KIF4A: variants seen among roughly 807,000 people sequenced by gnomAD.
KIF4A encodes the protein kinesin family member 4A.
KIF4A carries 7 observed loss-of-function variants against 105.9 expected under a neutral mutation model. That is an observed-to-expected ratio of 0.07 (90% CI 0.04 to 0.12). The LOEUF is 0.12. Among genes scored for constraint, KIF4A ranks in the 10% least tolerant of loss-of-function variants. The pLI, the probability that KIF4A is intolerant of heterozygous loss-of-function variation, is 1.00. For synonymous variants in KIF4A, 281 were observed against 331.3 expected (o/e 0.85, Z 1.65); for missense variants, 558 against 929.2 (o/e 0.60, Z 5.19).
chrX:70,356,652 A>C (rs1210750479), intron 15 of KIF4A, among the ~76,000 whole-genome samples: 1 of 112,511 alleles, frequency 8.9e-6, no homozygotes, highest in Non-Finnish European at 1.9e-5. Flanking sequence ...TATAATACTT[A>C]GAAAAATCAA....
At chrX:70,293,433 G>A (rs1273147109) in intron 3 of KIF4A, among the ~76,000 whole-genome samples, 6 of 112,084 alleles carry the variant, frequency 5.4e-5, no homozygotes, top group Non-Finnish European at 7.5e-5. Flanking sequence ...TGCATTTGTA[G>A]TTCCTTTTAG....
intron 28 of KIF4A, among the ~76,000 whole-genome samples, chrX:70,413,215 T>C (rs948984788): frequency 2.7e-5 from 3 of 112,416 alleles, no homozygotes; most frequent in Non-Finnish European, 3.7e-5. Context: ...ATGAAACTGG[T>C]ATTCTTGTGG....
chrX:70,345,713 C>T (rs2085989780), intron 13 of KIF4A, among the ~76,000 whole-genome samples: 2 of 111,126 alleles, frequency 1.8e-5, no homozygotes, highest in Admixed American at 9.6e-5. Context: ...CAATCCTATC[C>T]GGATAACTGT....
intron 18 of KIF4A, among the ~76,000 whole-genome samples, chrX:70,385,596 C>T (rs754761787): frequency 2.5e-4 from 28 of 111,859 alleles, no homozygotes; most frequent in African/African-American, 9.1e-4. Flanking sequence ...TAGTTGATGG[C>T]ACAGTAAATA....
intron 15 of KIF4A, among the ~76,000 whole-genome samples, chrX:70,362,707 T>G (rs1326835674): frequency 9.1e-6 from 1 of 110,121 alleles, no homozygotes; most frequent in Non-Finnish European, 1.9e-5. Context: ...AATTTTTGTA[T>G]TTTTAGTAGA....
At chrX:70,338,962 G>A (rs1305451334) in intron 10 of KIF4A, among the ~76,000 whole-genome samples, 1 of 109,168 alleles carries the variant, frequency 9.2e-6, no homozygotes, top group Admixed American at 9.9e-5. Flanking sequence ...GCGGGCATCT[G>A]TAGTCCCAGC....
chrX:70,292,181 A>G (rs1412515562), intron 3 of KIF4A, among the ~76,000 whole-genome samples: 1 of 112,106 alleles, frequency 8.9e-6, no homozygotes, highest in Non-Finnish European at 1.9e-5. Context: ...AAGTTACCAC[A>G]ATACAACCAT....
chrX:70,332,836 C>T (rs1460567865), intron 9 of KIF4A, among the ~76,000 whole-genome samples: 3 of 111,160 alleles, frequency 2.7e-5, no homozygotes, highest in Non-Finnish European at 3.8e-5. Flanking sequence ...CTTACACTTG[C>T]GCTCTGGTTT....
At chrX:70,390,209 C>T (rs1347889891) in intron 20 of KIF4A, among the ~76,000 whole-genome samples, 2 of 111,331 alleles carry the variant, frequency 1.8e-5, no homozygotes, top group African/African-American at 6.5e-5. Flanking sequence ...AGATTTTCTA[C>T]CTAGAAAATC....
chrX:70,371,492 A>G (rs916549126), intron 15 of KIF4A, among the ~76,000 whole-genome samples: 5 of 111,897 alleles, frequency 4.5e-5, no homozygotes, highest in Non-Finnish European at 9.4e-5. Flanking sequence ...GCTGTTGGGT[A>G]TACCTCCCAG....
chrX:70,338,225 TAC>T (rs1174516063), intron 10 of KIF4A, among the ~76,000 whole-genome samples: 3 of 111,788 alleles, frequency 2.7e-5, no homozygotes, highest in Admixed American at 9.5e-5. Context: ...TTAGTAAATT[TAC>T]AGAGTTGTAC....
At chrX:70,335,375 G>A (rs901513952) in intron 10 of KIF4A, among the ~76,000 whole-genome samples, 3 of 111,892 alleles carry the variant, frequency 2.7e-5, no homozygotes, top group African/African-American at 9.7e-5. Context: ...GGTGGTTGCC[G>A]GGGACTGGGG....
chrX:70,405,762 G>C, intron 25 of KIF4A, 66 bp from the exon 26 acceptor site: 1 of 795,087 alleles, frequency 1.3e-6, no homozygotes, highest in East Asian at 3.2e-5. Flanking sequence ...ATCTATGTGA[G>C]TTGTTTGGTA....
intron 1 of KIF4A, 73 bp downstream of exon 1, chrX:70,290,223 C>T (rs2085752315): frequency 2.8e-6 from 1 of 363,592 alleles, no homozygotes; most frequent in South Asian, 6.4e-5. Context: ...TTCTTTGTCG[C>T]CGTCCCCGTT....
chrX:70,297,328 G>A (rs1274069171), intron 4 of KIF4A, 140 bp downstream of exon 4: 6 of 529,034 alleles, frequency 1.1e-5, no homozygotes, highest in Non-Finnish European at 1.8e-5. Flanking sequence ...TACTGACTCA[G>A]TTGGATCCGG....
At chrX:70,364,060 A>G (rs1260069661) in intron 15 of KIF4A, among the ~76,000 whole-genome samples, 3 of 112,177 alleles carry the variant, frequency 2.7e-5, no homozygotes, top group Admixed American at 9.4e-5. Context: ...GTCTGTTCAT[A>G]TCCTTTGACC....
chrX:70,407,210 T>A, intron 28 of KIF4A, 135 bp downstream of exon 28: 1 of 671,965 alleles, frequency 1.5e-6, no homozygotes, highest in Non-Finnish European at 2.2e-6. Context: ...CAAGTTCAAG[T>A]AATTCTCGTG....
At chrX:70,358,833 G>A (rs2086062328) in intron 15 of KIF4A, among the ~76,000 whole-genome samples, 2 of 112,617 alleles carry the variant, frequency 1.8e-5, no homozygotes, top group South Asian at 7.4e-4. Flanking sequence ...TTTGCCTAGA[G>A]TTGTATGGGC....
In KIF4A at chrX:70,330,345, T is replaced by TA. The variant is rs768051569; in HGVS notation, c.1071+16dup. On this transcript the variant is annotated intron_variant, in intron 9 of 30. Transcript: ENST00000374403. ...TCTAAAGCAACAGGTATAAGGGACT[T>TA]AAAGTTTGATGGGAAAAATTACAAG... 2 of 1,185,445 alleles carry TA rather than the reference T, an allele frequency of 1.7e-6. No homozygotes were observed. Among genetic ancestry groups the TA allele is most frequent in the East Asian group, 3.0e-5 (1 of 33,641 alleles).
Sources: gnomAD v4.1 joint callset for allele counts (sites outside exome capture counted in the v4.1 genomes callset) on GRCh38, gnomAD v4.1.1 for gene constraint, MANE v1.5 for transcripts, NCBI Gene and HGNC (gene_info 2026-07-23, HGNC 2026-07-21) for gene names.